The following SWT1 variants were observed in gnomAD, a reference collection of about 807,000 sequenced individuals.
SWT1 encodes the protein SWT1 RNA endoribonuclease homolog.
In SWT1, 33 loss-of-function variants were observed where a neutral mutation model predicts 107.3. The observed-to-expected ratio is 0.31, with a 90% CI of 0.23 to 0.41. SWT1 has a LOEUF of 0.41. SWT1 is among the 10% of genes least tolerant of loss of function. The pLI, the probability that SWT1 is intolerant of heterozygous loss-of-function variation, is 1.00. For synonymous variants in SWT1, 345 were observed against 348.3 expected (o/e 0.99, Z 0.11); for missense variants, 898 against 1,028.9 (o/e 0.87, Z 1.74).
chr1:185,271,287 T>A, intron 16 of SWT1, 36 bp from the exon 17 acceptor site: 1 of 1,139,130 alleles, frequency 8.8e-7, no homozygotes, highest in South Asian at 1.3e-5. Flanking sequence ...TCTGAAATCA[T>A]TTATTCCCCC....
At chr1:185,216,106 A>G (rs1435139442) in intron 14 of SWT1, among the ~76,000 whole-genome samples, 1 of 152,050 alleles carries the variant, frequency 6.6e-6, no homozygotes, top group Non-Finnish European at 1.5e-5. Flanking sequence ...CTTCCTTGCT[A>G]AGAGAATACT....
chr1:185,199,952 C>CT (rs1657727807), intron 10 of SWT1, among the ~76,000 whole-genome samples: 1 of 151,948 alleles, frequency 6.6e-6, no homozygotes, highest in Non-Finnish European at 1.5e-5. Flanking sequence ...CCTTTTTATT[C>CT]TTTTTTCTCT....
chr1:185,216,177 C>A (rs939476927), intron 14 of SWT1, among the ~76,000 whole-genome samples: 1 of 151,956 alleles, frequency 6.6e-6, no homozygotes, highest in African/African-American at 2.4e-5. Context: ...TGTGATCATT[C>A]TTGAGGAAAG....
chr1:185,202,827 GAT>G (rs1322909285), intron 11 of SWT1, 28 bp downstream of exon 11: 1 of 1,294,282 alleles, frequency 7.7e-7, no homozygotes, highest in South Asian at 1.7e-5. Context: ...AATAATTAGA[GAT>G]ATATCTTATT....
chr1:185,243,841 C>A (rs539207904), intron 16 of SWT1, among the ~76,000 whole-genome samples: 201 of 151,970 alleles, frequency 1.3e-3, no homozygotes, highest in Middle Eastern at 6.8e-3. Context: ...TTTTCTCCAG[C>A]CAAATTGTTG....
At chr1:185,233,641 A>T (rs541782035) in intron 16 of SWT1, among the ~76,000 whole-genome samples, 18 of 152,212 alleles carry the variant, frequency 1.2e-4, no homozygotes, top group Non-Finnish European at 2.2e-4. Flanking sequence ...CCTGAGTTCT[A>T]ATTTGATTGC....
At chr1:185,235,454 A>G (rs1571579342) in intron 16 of SWT1, among the ~76,000 whole-genome samples, 1 of 152,226 alleles carries the variant, frequency 6.6e-6, no homozygotes, top group South Asian at 2.1e-4. Context: ...AGAGCCAAAG[A>G]CAAAAACCAC....
chr1:185,196,351 G>A (rs921482906), intron 10 of SWT1, among the ~76,000 whole-genome samples: 1 of 152,144 alleles, frequency 6.6e-6, no homozygotes, highest in Non-Finnish European at 1.5e-5. Context: ...CTATATCTCT[G>A]TTTTGGTACC....
intron 16 of SWT1, among the ~76,000 whole-genome samples, chr1:185,259,318 G>A (rs1388646117): frequency 6.6e-6 from 1 of 152,070 alleles, no homozygotes; most frequent in African/African-American, 2.4e-5. Flanking sequence ...TCTCATAGGA[G>A]TTAACATACA....
intron 8 of SWT1, among the ~76,000 whole-genome samples, 156 bp downstream of exon 8, chr1:185,184,500 G>A (rs1462607070): frequency 6.6e-6 from 1 of 152,112 alleles, no homozygotes; most frequent in East Asian, 1.9e-4. Flanking sequence ...AGCCTTTACA[G>A]GTTAAACTAG....
intron 16 of SWT1, among the ~76,000 whole-genome samples, chr1:185,241,577 A>G (rs946318582): frequency 4.6e-5 from 7 of 152,104 alleles, no homozygotes; most frequent in African/African-American, 1.7e-4. Context: ...TTTATTTTTT[A>G]TAATTTATTT....
intron 15 of SWT1, among the ~76,000 whole-genome samples, chr1:185,225,827 GT>G (rs1660007121): frequency 6.6e-6 from 1 of 152,104 alleles, no homozygotes; most frequent in African/African-American, 2.4e-5. Flanking sequence ...GTTATTCATT[GT>G]AAGATTTTGT....
At chr1:185,168,538 A>G (rs781133535) in intron 4 of SWT1, 140 bp downstream of exon 4, 6 of 345,838 alleles carry the variant, frequency 1.7e-5, no homozygotes, top group Non-Finnish European at 3.1e-5. Context: ...GATTATGATT[A>G]TAGAATTGTC....
At position 185,203,829 on chromosome 1, in the gene SWT1, T is replaced by C. The variant is rs890479715; in HGVS notation, c.1670-871T>C. ...ATATATAATTGTGAAAATAGTCATA[T>C]ATACATATATACTACTTATTTACCC... On this transcript the variant is annotated intron_variant, in intron 11 of 18. Coordinates refer to ENST00000367500, the MANE Select transcript of SWT1 (RefSeq NM_017673.7). Among the ~76,000 whole-genome samples, 6 of 152,272 alleles carry C rather than the reference T, an allele frequency of 3.9e-5. No individual in the cohort carries two copies. In the South Asian group the frequency reaches 1.2e-3, roughly 32 times the overall value.
chr1:185,160,822 G>C lies in SWT1; in HGVS notation c.-9-11G>C. ...CAAAAACAAATCCTATATTTTTAATGTTTATGTTAGCTTTTCAGGATGTCC... is the reference window on the plus strand; with the variant it reads ...CAAAAACAAATCCTATATTTTTAATCTTTATGTTAGCTTTTCAGGATGTCC... On this transcript the variant is annotated splice_polypyrimidine_tract_variant and intron_variant, in intron 1 of 18. Transcript: ENST00000367500. 6.3e-7 allele frequency: 1 copy of C among 1,591,622 alleles called. No individual in the cohort carries two copies. The highest frequency in any genetic ancestry group is 8.6e-7 in the Non-Finnish European group (1 of 1,168,380).
At position 185,209,676 on chromosome 1, in the gene SWT1, A is replaced by G. The variant is rs144336620; in HGVS notation, c.1972+2913A>G. On this transcript the variant is annotated intron_variant, in intron 13 of 18. Coordinates refer to ENST00000367500, the MANE Select transcript of SWT1 (RefSeq NM_017673.7). The stretch of plus-strand genomic sequence containing the variant: ...TCTTTGCTATTGTGAACAGTGCCGC[A>G]GTAAACATACATGTGCATATGTCTT... 2.8e-3 allele frequency among the ~76,000 whole-genome samples: 432 copies of G among 152,340 alleles called. 2 individuals are homozygous for G. The highest frequency in any genetic ancestry group is 9.7e-3 in the African/African-American group (405 of 41,572).
intron 11 of SWT1, among the ~76,000 whole-genome samples, chr1:185,203,135 G>C (rs1658019258): frequency 6.6e-6 from 1 of 152,116 alleles, no homozygotes; most frequent in Admixed American, 6.6e-5. Context: ...TTTTCTTCAA[G>C]TGAAACAGAG....
chr1:185,254,912 C>T (rs939744785), intron 16 of SWT1, among the ~76,000 whole-genome samples: 11 of 152,062 alleles, frequency 7.2e-5, no homozygotes, highest in Admixed American at 1.3e-4. Context: ...CTCTTGTGGG[C>T]ATTTAATGCT....
chr1:185,243,076 A>G (rs74401208), intron 16 of SWT1, among the ~76,000 whole-genome samples: 8,705 of 152,222 alleles, frequency 0.057, 599 homozygotes, highest in African/African-American at 0.16. Flanking sequence ...AAGGTAGAGT[A>G]TACCCTATAC....
Sources: gnomAD v4.1 joint callset for allele counts (sites outside exome capture counted in the v4.1 genomes callset) on GRCh38, gnomAD v4.1.1 for gene constraint, MANE v1.5 for transcripts, NCBI Gene and HGNC (gene_info 2026-07-23, HGNC 2026-07-21) for gene names.